Variants in CA6 observed in about 807,000 individuals in gnomAD.
CA6 encodes carbonic anhydrase 6.
In CA6, 28 loss-of-function variants were observed where a neutral mutation model predicts 35.9. The ratio of observed to expected loss-of-function variants is 0.78; its 90% CI spans 0.58 to 1.07. The LOEUF (loss-of-function observed/expected upper bound fraction) is 1.07. Ranked by LOEUF, CA6 falls within the 50% of genes least tolerant of loss-of-function variation. CA6 has a pLI of 0.00. For synonymous variants in CA6, 148 were observed against 152.6 expected, an observed-to-expected ratio of 0.97 and a Z score of 0.22; for missense variants, 377 against 382.0, an observed-to-expected ratio of 0.99 and a Z score of 0.11.
Position 8,967,803 on chromosome 1 carries a change from T to A in CA6, c.716T>A (p.Leu239His). The A allele has an allele frequency of 1.9e-6, 3 of 1,613,844 alleles. No individual in the cohort carries two copies. Among genetic ancestry groups the A allele is most frequent in the Non-Finnish European group, 2.5e-6 (3 of 1,179,938 alleles). ...TTTGTGCTGGCAGATTTTGTCAAGCTCTCCAGGACACAGGTAATGTATGGT... is the reference window on the plus strand; with the variant it reads ...TTTGTGCTGGCAGATTTTGTCAAGCACTCCAGGACACAGGTAATGTATGGT... Reference protein sequence around the residue: ...HWFVLADFVKLSRTQVWKLEN... With the variant: ...HWFVLADFVKHSRTQVWKLEN... The change falls in exon 6 of 8, where the codon CTC becomes CAC. Residue 239 changes from leucine to histidine, a missense_variant. Leu to His is a moderately conservative substitution (Grantham distance 99). Coordinates refer to ENST00000377443, the MANE Select transcript of CA6 (RefSeq NM_001215.4).
Position 8,970,879 on chromosome 1 carries a change from G to A in CA6, c.742G>A (p.Glu248Lys), listed in dbSNP as rs1343512681. Reference sequence around the variant, plus strand: ...ACGTTGCCCCCAGGTTTGGAAGCTGGAGAATTCCTTACTGGATCACCGCAA... The same window carrying A: ...ACGTTGCCCCCAGGTTTGGAAGCTGAAGAATTCCTTACTGGATCACCGCAA... Reference protein sequence around the residue: ...KLSRTQVWKLENSLLDHRNKT... With the variant: ...KLSRTQVWKLKNSLLDHRNKT... The change falls in exon 7 of 8, where the codon GAG becomes AAG. Residue 248 changes from glutamate (E) to lysine (K), a missense_variant. Transcript: ENST00000377443. 1 of 1,612,240 alleles carries A rather than the reference G, an allele frequency of 6.2e-7. No individual in the cohort carries two copies. Among genetic ancestry groups the A allele is most frequent in the Non-Finnish European group, 8.5e-7 (1 of 1,178,464 alleles).
chr1:8,946,040 T>TTA, intron 1 of CA6, 75 bp downstream of exon 1: 1 of 885,962 alleles, frequency 1.1e-6, no homozygotes, highest in Non-Finnish European at 1.7e-6. Flanking sequence ...CTTCTTCTTC[T>TTA]TCTTTTTTTT....
At chr1:8,954,228 C>T (rs1639615700) in intron 2 of CA6, among the ~76,000 whole-genome samples, 1 of 148,184 alleles carries the variant, frequency 6.7e-6, no homozygotes, top group Non-Finnish European at 1.5e-5. Flanking sequence ...TGCAGTGGTG[C>T]TACCTTGGCT....
rs1339083071 is a variant in CA6, at chr1:8,963,476, T to C, written c.571+820T>C. On this transcript the variant is annotated intron_variant, in intron 5 of 7. Transcript: ENST00000377443. The surrounding 1 kb of genome is among the most constrained non-coding windows in gnomAD (Gnocchi z 4.1). ...GGAGTTTTTTTAGTTATTTTCTTAG[T>C]GGTTGGCTGGCAGCCAAACAGCTGA... Among the ~76,000 whole-genome samples the C allele has an allele frequency of 6.6e-6, 1 of 152,142 alleles. No individual in the cohort carries two copies. Among genetic ancestry groups the C allele is most frequent in the African/African-American group, 2.4e-5 (1 of 41,434 alleles).
chr1:8,973,342 C>T (rs1259833779), intron 7 of CA6, among the ~76,000 whole-genome samples: 1 of 152,096 alleles, frequency 6.6e-6, no homozygotes, highest in Non-Finnish European at 1.5e-5. Flanking sequence ...TAAATGTTGC[C>T]ATATTTCCCC....
At chr1:8,949,198 TG>T in intron 1 of CA6, 64 bp from the exon 2 acceptor site, 1 of 1,319,834 alleles carries the variant, frequency 7.6e-7, no homozygotes, top group Non-Finnish European at 1.0e-6. Context: ...GCCTCTGGCC[TG>T]GTGAGGTTCC....
intron 7 of CA6, among the ~76,000 whole-genome samples, chr1:8,971,567 TC>T (rs1640112150): frequency 1.3e-5 from 2 of 152,176 alleles, no homozygotes; most frequent in East Asian, 3.9e-4. Context: ...CACCTCGGCC[TC>T]CCAAAGTGCT....
chr1:8,971,419 C>A (rs1195632899), intron 7 of CA6, among the ~76,000 whole-genome samples: 1 of 150,136 alleles, frequency 6.7e-6, no homozygotes, highest in Non-Finnish European at 1.5e-5. Context: ...TCAAGCAATT[C>A]TCCTGCCTCA....
rs1307846356 is a variant in CA6, at chr1:8,963,974, T to A, written c.571+1318T>A. Among the ~76,000 whole-genome samples, 2 of 152,236 alleles carry A rather than the reference T, an allele frequency of 1.3e-5. No homozygotes were observed. The highest frequency in any genetic ancestry group is 2.9e-5 in the Non-Finnish European group (2 of 68,032). On this transcript the variant is annotated intron_variant, in intron 5 of 7. Transcript: ENST00000377443. The surrounding 1 kb of genome is among the most constrained non-coding windows in gnomAD (Gnocchi z 4.1). ...TTTCTCCTCTCTCCTGAAGCCCCTG[T>A]GCCTGGGCTCCAGCAATTCCCCTGG...
At chr1:8,946,989 A>G (rs1450520592) in intron 1 of CA6, among the ~76,000 whole-genome samples, 1 of 151,688 alleles carries the variant, frequency 6.6e-6, no homozygotes, top group Admixed American at 6.6e-5. Context: ...TTTTTAGTGG[A>G]GATGGGGTTT....
chr1:8,962,489 C>T (rs1557628308), intron 4 of CA6, 98 bp from the exon 5 acceptor site: 4 of 1,001,806 alleles, frequency 4.0e-6, no homozygotes, highest in Non-Finnish European at 6.4e-6. Flanking sequence ...ACTCTCTAGG[C>T]TCGGCCCAAT....
chr1:8,973,746 TTC>T (rs1406661782), intron 7 of CA6, among the ~76,000 whole-genome samples: 357 of 20,634 alleles, frequency 0.017, 17 homozygotes, highest in African/African-American at 0.12. Context: ...CTTTCTTTCT[TTC>T]TTTCTTTCTT....
intron 1 of CA6, among the ~76,000 whole-genome samples, chr1:8,946,268 C>A (rs1045089969): frequency 1.3e-5 from 2 of 152,028 alleles, no homozygotes; most frequent in Non-Finnish European, 1.5e-5. Context: ...GAACTCCTGA[C>A]CTTAGGTGAT....
chr1:8,965,250 C>T (rs189794467), intron 5 of CA6, among the ~76,000 whole-genome samples: 3 of 151,988 alleles, frequency 2.0e-5, no homozygotes, highest in Admixed American at 6.6e-5. Context: ...TCTCAAACAA[C>T]GACAACAACA....
chr1:8,956,543 C>T (rs564149759), intron 2 of CA6, among the ~76,000 whole-genome samples: 1 of 152,180 alleles, frequency 6.6e-6, no homozygotes, highest in East Asian at 1.9e-4. Flanking sequence ...ACCTGTAGTT[C>T]CAGCTACTCG....
At chr1:8,955,932 G>A (rs955556617) in intron 2 of CA6, among the ~76,000 whole-genome samples, 7 of 152,166 alleles carry the variant, frequency 4.6e-5, no homozygotes, top group Non-Finnish European at 7.4e-5. Context: ...ACTTTAAATA[G>A]GAAGATCTTG....
At chr1:8,967,917 T>G in intron 6 of CA6, 101 bp downstream of exon 6, 1 of 1,029,390 alleles carries the variant, frequency 9.7e-7, no homozygotes, top group East Asian at 2.7e-5. Flanking sequence ...TAAGGGGTCC[T>G]ACAGTATTTT....
chr1:8,973,311 GC>G (rs1302004933), intron 7 of CA6, among the ~76,000 whole-genome samples: 2 of 152,146 alleles, frequency 1.3e-5, no homozygotes, highest in Non-Finnish European at 2.9e-5. Flanking sequence ...GAGTCACTGT[GC>G]CCGGCCTGTC....
chr1:8,967,699 G>T lies in CA6; in HGVS notation c.612G>T (p.Met204Ile), dbSNP rs568078515. 3 of 1,614,110 alleles carry T rather than the reference G, an allele frequency of 1.9e-6. No individual in the cohort carries two copies. In the South Asian group the frequency reaches 3.3e-5, roughly 18 times the overall value. ...TTLTGLDVQD[M>I]LPRNLQHYYT... ...TGACTGGCCTTGACGTTCAGGACATGCTGCCCAGGAACCTCCAGCACTACT... is the reference window on the plus strand; with the variant it reads ...TGACTGGCCTTGACGTTCAGGACATTCTGCCCAGGAACCTCCAGCACTACT... Residue 204 changes from methionine (M) to isoleucine (I), a missense_variant, in exon 6 of 8, where the codon ATG (methionine) becomes ATT (isoleucine). By Grantham distance (10) the Met-to-Ile change is conservative. Transcript: ENST00000377443.
Sources: allele counts gnomAD v4.1 joint callset (sites outside exome capture counted in the v4.1 genomes callset), GRCh38; gene constraint gnomAD v4.1.1; non-coding constraint Gnocchi (gnomAD v3.1); transcripts MANE v1.5; gene names NCBI Gene and HGNC (gene_info 2026-07-23, HGNC 2026-07-21).